The following EFHC2 variants were observed in gnomAD, a reference collection of about 807,000 sequenced individuals.
The protein encoded by EFHC2 is EF-hand domain-containing family member C2.
In EFHC2, 18 loss-of-function variants were observed where a neutral mutation model predicts 52.7. The ratio of observed to expected loss-of-function variants is 0.34; its 90% CI spans 0.24 to 0.51. EFHC2 has a LOEUF of 0.51. Among genes scored for constraint, EFHC2 ranks in the 20% least tolerant of loss-of-function variants. EFHC2 has a pLI of 0.97. For missense variants in EFHC2, 513 were observed against 562.5 expected (o/e 0.91, Z 0.89); for synonymous variants, 203 against 204.1 (o/e 0.99, Z 0.04).
intron 8 of EFHC2, among the ~76,000 whole-genome samples, chrX:44,240,002 G>T (rs930054468): frequency 8.9e-6 from 1 of 111,790 alleles, no homozygotes; most frequent in African/African-American, 3.3e-5. Context: ...TCATAGATCA[G>T]CATTAACCTC....
chrX:44,196,001 G>A lies in EFHC2; in HGVS notation c.1752-17437C>T, dbSNP rs932821951. 8.1e-5 allele frequency among the ~76,000 whole-genome samples: 9 copies of A among 111,464 alleles called. No homozygotes were observed. In the South Asian group the frequency reaches 2.6e-3, roughly 33 times the overall value. On this transcript the variant is annotated intron_variant, in intron 11 of 14. Coordinates refer to ENST00000420999, the MANE Select transcript of EFHC2 (RefSeq NM_025184.4). ...TGTGATCACAGCTCCCTGCAGCCTCGACCTCCCCAGGTTCAGGTGATCCTC... is the reference window on the plus strand; with the variant it reads ...TGTGATCACAGCTCCCTGCAGCCTCAACCTCCCCAGGTTCAGGTGATCCTC...
At chrX:44,333,119 G>C (rs959532334) in intron 1 of EFHC2, among the ~76,000 whole-genome samples, 1 of 111,553 alleles carries the variant, frequency 9.0e-6, no homozygotes, top group Non-Finnish European at 1.9e-5. Flanking sequence ...CACTGAGAAC[G>C]TGAAGGGCAA....
intron 11 of EFHC2, among the ~76,000 whole-genome samples, chrX:44,178,793 T>C (rs1406815608): frequency 8.9e-6 from 1 of 112,132 alleles, no homozygotes; most frequent in Non-Finnish European, 1.9e-5. Flanking sequence ...AAAATGGCAT[T>C]TTGCCCAGAG....
chrX:44,157,033 A>G (rs770240531), intron 14 of EFHC2, among the ~76,000 whole-genome samples: 4 of 112,348 alleles, frequency 3.6e-5, no homozygotes, highest in Admixed American at 1.9e-4. Flanking sequence ...GCTACAGGCC[A>G]TTGGCTACAG....
chrX:44,242,242 T>C lies in EFHC2; in HGVS notation c.1159A>G (p.Ile387Val), dbSNP rs1266391170. The C allele has an allele frequency of 1.7e-6, 2 of 1,208,720 alleles. No individual in the cohort carries two copies. Among genetic ancestry groups the C allele is most frequent in the Non-Finnish European group, 2.2e-6 (2 of 894,168 alleles). Residue 387 changes from isoleucine (I) to valine (V), a missense_variant, in exon 8 of 15, where the codon ATA becomes GTA. Transcript: ENST00000420999. ...SCKPPSPPPK[I>V]ERKFPPYNGF... ...TTGTAAGGTGGAAATTTCCTTTCTA[T>C]TTTTGGAGGAGGAGAAGGAGGCTTG...
chrX:44,247,506 G>A (rs1212805730), intron 7 of EFHC2, among the ~76,000 whole-genome samples: 1 of 111,656 alleles, frequency 9.0e-6, no homozygotes, highest in Admixed American at 9.5e-5. Flanking sequence ...CAAACTGGGA[G>A]GTCAGCAAGT....
intron 1 of EFHC2, among the ~76,000 whole-genome samples, chrX:44,314,836 C>T (rs957448693): frequency 1.1e-4 from 12 of 111,646 alleles, no homozygotes; most frequent in African/African-American, 3.9e-4. Flanking sequence ...TTACTATAGT[C>T]CTAACTTTGT....
In EFHC2 at chrX:44,180,484, G is replaced by A. The variant is rs149761058; in HGVS notation, c.1752-1920C>T. Among the ~76,000 whole-genome samples, 7 of 112,063 alleles carry A rather than the reference G, an allele frequency of 6.2e-5. No individual in the cohort carries two copies. The East Asian group carries it at 8.5e-4, about 14-fold the overall frequency. On this transcript the variant is annotated intron_variant, in intron 11 of 14. Transcript: ENST00000420999. ...GGGCCAGGCGTGGTGGCTCACGCTCGTAATCCCGGCACTTAGGGAGGCCAA... is the reference window on the plus strand; with the variant it reads ...GGGCCAGGCGTGGTGGCTCACGCTCATAATCCCGGCACTTAGGGAGGCCAA...
chrX:44,335,665 C>T (rs1016970580), intron 1 of EFHC2, among the ~76,000 whole-genome samples: 4 of 111,547 alleles, frequency 3.6e-5, no homozygotes, highest in Admixed American at 1.9e-4. Flanking sequence ...AGCTAATGTA[C>T]TTATGAAGCA....
At chrX:44,206,981 C>T in intron 11 of EFHC2, among the ~76,000 whole-genome samples, 1 of 111,520 alleles carries the variant, frequency 9.0e-6, no homozygotes, top group Non-Finnish European at 1.9e-5. Flanking sequence ...CTATAGTAAC[C>T]AAAACAGCAT....
chrX:44,191,583 C>G (rs947060427), intron 11 of EFHC2, among the ~76,000 whole-genome samples: 4 of 111,779 alleles, frequency 3.6e-5, no homozygotes, highest in Non-Finnish European at 7.5e-5. Flanking sequence ...TATTTCAATG[C>G]TTGATATTAT....
At chrX:44,223,075 G>T (rs1187704436) in intron 11 of EFHC2, among the ~76,000 whole-genome samples, 1 of 111,969 alleles carries the variant, frequency 8.9e-6, no homozygotes, top group Non-Finnish European at 1.9e-5. Context: ...AAATTCCCAC[G>T]TAAGTTTCCT....
At chrX:44,185,139 A>C (rs769822438) in intron 11 of EFHC2, among the ~76,000 whole-genome samples, 5 of 112,666 alleles carry the variant, frequency 4.4e-5, no homozygotes, top group Non-Finnish European at 9.4e-5. Flanking sequence ...GTTGTATTAA[A>C]CTGAAAGCAC....
intron 11 of EFHC2, among the ~76,000 whole-genome samples, chrX:44,204,946 C>G (rs955499608): frequency 9.0e-5 from 10 of 111,277 alleles, no homozygotes; most frequent in African/African-American, 3.3e-4. Flanking sequence ...TATCTGAGGT[C>G]AAAACATAAG....
chrX:44,312,275 C>T (rs996010414), intron 2 of EFHC2, among the ~76,000 whole-genome samples: 1 of 111,518 alleles, frequency 9.0e-6, no homozygotes, highest in African/African-American at 3.3e-5. Context: ...CATGAGGTAA[C>T]GCATATGTTA....
intron 11 of EFHC2, among the ~76,000 whole-genome samples, chrX:44,211,874 A>T (rs1293995797): frequency 9.3e-6 from 1 of 107,509 alleles, no homozygotes; most frequent in Non-Finnish European, 1.9e-5. Flanking sequence ...CTCAAAAAAA[A>T]AAAAAAAAAA....
chrX:44,283,571 G>A (rs1243145671), intron 2 of EFHC2, among the ~76,000 whole-genome samples: 1 of 93,056 alleles, frequency 1.1e-5, no homozygotes, highest in Admixed American at 1.3e-4. Context: ...GTTGCACAGC[G>A]CAAAATCAGA....
chrX:44,178,594 A>G (rs751407500), intron 11 of EFHC2, 30 bp from the exon 12 acceptor site: 3 of 1,066,574 alleles, frequency 2.8e-6, no homozygotes, highest in East Asian at 3.2e-5. Flanking sequence ...ACATTTATAA[A>G]CTGATATCTA....
intron 14 of EFHC2, among the ~76,000 whole-genome samples, chrX:44,155,313 T>C (rs2036598931): frequency 8.9e-6 from 1 of 111,917 alleles, no homozygotes; most frequent in African/African-American, 3.3e-5. Flanking sequence ...TGCCGATCTG[T>C]AAAATCGCAC....
Sources: allele counts gnomAD v4.1 joint callset (sites outside exome capture counted in the v4.1 genomes callset), GRCh38; gene constraint gnomAD v4.1.1; transcripts MANE v1.5; gene names NCBI Gene and HGNC (gene_info 2026-07-23, HGNC 2026-07-21).